RPS3: variants seen among roughly 807,000 people sequenced by gnomAD.
RPS3 encodes small ribosomal subunit protein uS3.
RPS3 carries 2 observed loss-of-function variants against 25.8 expected under a neutral mutation model. The observed-to-expected ratio is 0.08, with a 90% CI of 0.03 to 0.24. The LOEUF is 0.24. RPS3 is among the 10% of genes least tolerant of loss of function. The pLI, the probability that RPS3 is intolerant of heterozygous loss-of-function variation, is 1.00. For synonymous variants in RPS3, 114 were observed against 114.2 expected (o/e 1.00, Z 0.01); for missense variants, 107 against 307.1 (o/e 0.35, Z 4.87).
At chr11:75,411,101 C>T (rs1260768909), downstream of RPS3, among the ~76,000 whole-genome samples, 3 of 152,114 alleles carry the variant, frequency 2.0e-5, no homozygotes, top group Admixed American at 6.5e-5. Flanking sequence ...TGGTCTCGAT[C>T]TCTTGACCTC....
chr11:75,408,978 G>GT (rs1389150343), downstream of RPS3, among the ~76,000 whole-genome samples: 3 of 151,602 alleles, frequency 2.0e-5, no homozygotes, highest in Admixed American at 1.3e-4. Context: ...CCCTCCATAA[G>GT]TTACCTTGAT....
At chr11:75,403,648 C>T (rs1948243014) in intron 4 of RPS3, 1 of 164,554 alleles carries the variant, frequency 6.1e-6, no homozygotes, top group Admixed American at 6.2e-5. Context: ...ATGTGGTTCT[C>T]AGTTTTGGTT....
chr11:75,408,952 T>C (rs1948315542), downstream of RPS3, among the ~76,000 whole-genome samples: 1 of 152,020 alleles, frequency 6.6e-6, no homozygotes, highest in South Asian at 2.1e-4. Context: ...TATATGCCAC[T>C]CTAAACACAG....
downstream of RPS3, among the ~76,000 whole-genome samples, chr11:75,409,823 C>A (rs1948327551): frequency 6.8e-6 from 1 of 146,824 alleles, no homozygotes; most frequent in Non-Finnish European, 1.5e-5. Context: ...GGCTGACCCC[C>A]CCACCTCCCT....
At chr11:75,410,735 G>A (rs1197762729), downstream of RPS3, among the ~76,000 whole-genome samples, 7 of 152,356 alleles carry the variant, frequency 4.6e-5, no homozygotes, top group African/African-American at 1.7e-4. Context: ...TGCAATCCCG[G>A]CACCTCGGGA....
At chr11:75,400,297 A>C (rs2135048842) in intron 1 of RPS3, 1 of 485,808 alleles carries the variant, frequency 2.1e-6, no homozygotes, top group South Asian at 1.5e-5. Flanking sequence ...CTATTCCTTA[A>C]CAGTGACAAG....
intron 6 of RPS3, among the ~76,000 whole-genome samples, chr11:75,414,483 C>A (rs1043852470): frequency 6.6e-6 from 1 of 152,058 alleles, no homozygotes; most frequent in African/African-American, 2.4e-5. Flanking sequence ...TGGTGGTGGA[C>A]GCCTGTAGTC....
At chr11:75,402,004 G>T (rs897587952) in intron 3 of RPS3, 7 of 547,740 alleles carry the variant, frequency 1.3e-5, no homozygotes, top group Non-Finnish European at 2.3e-5. Context: ...AAGGAGCCAG[G>T]GTGGGAGGGC....
downstream of RPS3, among the ~76,000 whole-genome samples, chr11:75,408,699 C>A (rs567995614): frequency 6.6e-6 from 1 of 152,242 alleles, no homozygotes; most frequent in African/African-American, 2.4e-5. Context: ...AAGGCCGCCA[C>A]CACTCCTGGC....
chr11:75,417,603 A>C (rs1948410301), intron 6 of RPS3, among the ~76,000 whole-genome samples: 1 of 152,216 alleles, frequency 6.6e-6, no homozygotes, highest in African/African-American at 2.4e-5. Context: ...TCACACACAC[A>C]CAAAAATTTA....
At position 75,402,384 on chromosome 11, in the gene RPS3, G is replaced by C. The variant is rs565558803; in HGVS notation, c.288G>C (p.Leu96=). 4.0e-5 allele frequency: 64 copies of C among 1,614,002 alleles called. No individual in the cohort carries two copies. Among genetic ancestry groups the C allele is most frequent in the Admixed American group, 2.8e-4 (17 of 60,032 alleles). ...LYAEKVATRG[L]CAIAQAESLR... ...CTGAAAAGGTGGCCACTAGAGGTCT[G>C]TGTGCCATTGCCCAGGCAGAGTCTC... Residue 96 remains leucine (L), a synonymous_variant, in exon 4 of 7, where the codon CTG becomes CTC. Coordinates refer to ENST00000531188, the MANE Select transcript of RPS3 (RefSeq NM_001005.5).
downstream of RPS3, among the ~76,000 whole-genome samples, chr11:75,408,656 C>T: frequency 6.6e-6 from 1 of 152,048 alleles, no homozygotes; most frequent in Non-Finnish European, 1.5e-5. Context: ...CAGCTCGCTG[C>T]AACCTCAGCC....
chr11:75,414,597 C>T (rs1296504389), intron 6 of RPS3, among the ~76,000 whole-genome samples: 6 of 135,720 alleles, frequency 4.4e-5, no homozygotes, highest in Admixed American at 7.8e-5. Flanking sequence ...GGCGACAGAG[C>T]GAGACTCTCA....
At chr11:75,407,822 T>C (rs1239337354), downstream of RPS3, among the ~76,000 whole-genome samples, 1 of 152,214 alleles carries the variant, frequency 6.6e-6, no homozygotes, top group Non-Finnish European at 1.5e-5. Flanking sequence ...TGCCGTATAT[T>C]AGATTAGGTG....
At chr11:75,400,352 G>C (rs370848018) in intron 1 of RPS3, 63 of 521,878 alleles carry the variant, frequency 1.2e-4, no homozygotes, top group Non-Finnish European at 2.1e-4. Flanking sequence ...TAGGCCATTA[G>C]AGCAGTTTCT....
intron 6 of RPS3, 112 bp from the exon 7 acceptor site, chr11:75,405,502 C>G: frequency 2.5e-6 from 1 of 405,776 alleles, no homozygotes. Context: ...CTTATGTATG[C>G]ATTTTATTAA....
Position 75,404,472 on chromosome 11 carries a change from C to T in RPS3, c.539-200C>T, listed in dbSNP as rs1429629567. 1 of 794,918 alleles carries T rather than the reference C, an allele frequency of 1.3e-6. No homozygotes were observed. The highest frequency in any genetic ancestry group is 2.2e-4 in the Middle Eastern group (1 of 4,462). The allele number at this position is 794,918 out of a possible 1,614,324, so 49.2% of individuals were successfully genotyped here. A position where few individuals can be genotyped will look rare whatever the true frequency, so the allele number is the denominator to read the frequency against. ...AGAAAGGTCACGTCCTGCTCTTGGT[C>T]CTTGTCAGTGCCATGTTCTGTGGTG... is the stretch of plus-strand genomic sequence containing the variant. On this transcript the variant is annotated intron_variant, in intron 5 of 6. Transcript: ENST00000531188. This position sits in a 1 kb window ranked among gnomAD's most constrained non-coding sequence, Gnocchi z 4.6.
At chr11:75,419,622 ATTTTG>A (rs1489144641) in intron 6 of RPS3, among the ~76,000 whole-genome samples, 1 of 152,004 alleles carries the variant, frequency 6.6e-6, no homozygotes, top group Non-Finnish European at 1.5e-5. Flanking sequence ...GTTTCATTTT[ATTTTG>A]TTTTTATTTT....
At chr11:75,421,274 G>A (rs1178736291) in intron 6 of RPS3, among the ~76,000 whole-genome samples, 2 of 152,162 alleles carry the variant, frequency 1.3e-5, no homozygotes, top group African/African-American at 4.8e-5. Flanking sequence ...AGGGCCCTGG[G>A]GCTTTGGAAG....
Sources: allele counts gnomAD v4.1 joint callset (sites outside exome capture counted in the v4.1 genomes callset), GRCh38; gene constraint gnomAD v4.1.1; non-coding constraint Gnocchi (gnomAD v3.1); transcripts MANE v1.5; gene names NCBI Gene and HGNC (gene_info 2026-07-23, HGNC 2026-07-21).